Variants in HECTD2 observed in about 807,000 individuals in gnomAD.
The protein encoded by HECTD2 is probable E3 ubiquitin-protein ligase HECTD2.
Under a neutral mutation model 103.2 loss-of-function variants are expected in HECTD2, and 35 were observed. The observed-to-expected ratio is 0.34, with a 90% confidence interval of 0.26 to 0.45. HECTD2 has a LOEUF of 0.45. HECTD2 is among the 20% of genes least tolerant of loss of function. The pLI is 1.00. For missense variants in HECTD2, 596 were observed against 937.4 expected, an observed-to-expected ratio of 0.64 and a Z score of 4.76; for synonymous variants, 281 against 329.9, an observed-to-expected ratio of 0.85 and a Z score of 1.61.
intron 20 of HECTD2, 138 bp downstream of exon 20, chr10:91,501,472 G>GA (rs1172969654): frequency 1.9e-6 from 1 of 517,102 alleles, no homozygotes; most frequent in Non-Finnish European, 3.3e-6. Flanking sequence ...ACATGGCCTT[G>GA]AAATGTAAGA....
At chr10:91,509,215 G>A (rs866500722) in intron 20 of HECTD2, among the ~76,000 whole-genome samples, 25 of 151,608 alleles carry the variant, frequency 1.6e-4, no homozygotes, top group African/African-American at 5.6e-4. Context: ...CATGGCACAT[G>A]TATACGTATG....
chr10:91,444,821 CA>C (rs1844527725), intron 2 of HECTD2, among the ~76,000 whole-genome samples: 1 of 152,138 alleles, frequency 6.6e-6, no homozygotes, highest in Non-Finnish European at 1.5e-5. Flanking sequence ...TATCATAATA[CA>C]GTGAAAAAAG....
intron 5 of HECTD2, among the ~76,000 whole-genome samples, chr10:91,473,585 C>T (rs1446274147): frequency 6.6e-6 from 1 of 152,058 alleles, no homozygotes; most frequent in African/African-American, 2.4e-5. Flanking sequence ...GATTTTATTC[C>T]GCCTCTGCCA....
chr10:91,430,205 A>G (rs1418476514), intron 2 of HECTD2, among the ~76,000 whole-genome samples: 1 of 152,144 alleles, frequency 6.6e-6, no homozygotes, highest in Non-Finnish European at 1.5e-5. Context: ...GAGTTTCTTA[A>G]TCCTGAGTTC....
intron 20 of HECTD2, among the ~76,000 whole-genome samples, chr10:91,507,901 A>G (rs1847257620): frequency 7.4e-6 from 1 of 135,938 alleles, no homozygotes; most frequent in Non-Finnish European, 1.5e-5. Context: ...CCAAAACAGC[A>G]TGGTACTGGT....
intron 20 of HECTD2, 82 bp from the exon 21 acceptor site, chr10:91,512,182 T>A: frequency 7.1e-7 from 1 of 1,403,652 alleles, no homozygotes; most frequent in East Asian, 2.3e-5. Context: ...AATGTGTGTG[T>A]CCTGGTATTT....
chr10:91,410,261 G>C (rs1316257678), upstream of HECTD2: 1 of 159,104 alleles, frequency 6.3e-6, no homozygotes, highest in African/African-American at 2.4e-5. Context: ...CGCGCGCGGG[G>C]GCGGCCTCGG....
At chr10:91,420,280 C>CAAAAAAAAA (rs58296918) in intron 1 of HECTD2, among the ~76,000 whole-genome samples, 1 of 109,922 alleles carries the variant, frequency 9.1e-6, no homozygotes, top group Admixed American at 1.0e-4. Flanking sequence ...TTTATGATTA[C>CAAAAAAAAA]AAAAAAAAAA....
At chr10:91,506,698 A>G (rs11498669) in intron 20 of HECTD2, among the ~76,000 whole-genome samples, 23,914 of 150,780 alleles carry the variant, frequency 0.16, 4,326 homozygotes, top group African/African-American at 0.45. Context: ...CAGAGGTACA[A>G]GGAGGAACTG....
At chr10:91,477,791 G>A (rs953663254) in intron 5 of HECTD2, among the ~76,000 whole-genome samples, 2 of 151,808 alleles carry the variant, frequency 1.3e-5, no homozygotes, top group Admixed American at 1.3e-4. Context: ...ATTTATTCTT[G>A]GGATGTTTGA....
chr10:91,451,522 TA>T (rs1002798930), intron 2 of HECTD2, among the ~76,000 whole-genome samples: 38 of 146,670 alleles, frequency 2.6e-4, no homozygotes, highest in Middle Eastern at 3.5e-3. Flanking sequence ...AGTATAATAA[TA>T]AAAAAAAAAG....
At chr10:91,426,092 A>T (rs1843547702) in intron 2 of HECTD2, among the ~76,000 whole-genome samples, 2 of 152,038 alleles carry the variant, frequency 1.3e-5, no homozygotes, top group East Asian at 3.9e-4. Context: ...TTACATCATT[A>T]TAGGTAGAAT....
intron 1 of HECTD2, 99 bp downstream of exon 1, chr10:91,410,675 G>T (rs1303562231): frequency 1.8e-6 from 2 of 1,085,130 alleles, no homozygotes; most frequent in African/African-American, 3.3e-5. Context: ...TTTACCCTGG[G>T]CACGCCCTGG....
In HECTD2 at chr10:91,494,959, TG is replaced by T. The variant is rs147487868; in HGVS notation, c.1522-1254del. Among the ~76,000 whole-genome samples the T allele has an allele frequency of 6.8e-4, 104 of 152,138 alleles. 1 individual carries two copies. The highest frequency in any genetic ancestry group is 1.4e-3 in the Admixed American group (21 of 15,284). ...TACATAAAATCATGAAATTGCTCAT[TG>T]TTTTTTTTGCAATAGATATTAGTTT... On this transcript the variant is annotated intron_variant, in intron 14 of 20. Transcript: ENST00000298068.
rs1210176226 is a variant in HECTD2, at chr10:91,493,417, T to A, written c.1433-3T>A. The A allele has an allele frequency of 2.7e-6, 4 of 1,478,132 alleles. No homozygotes were observed. Among genetic ancestry groups the A allele is most frequent in the East Asian group, 2.5e-5 (1 of 39,564 alleles). 91.6% of individuals were successfully genotyped at this position (1,478,132 alleles called of 1,614,324 possible). On this transcript the variant is annotated splice_polypyrimidine_tract_variant and splice_region_variant and intron_variant, in intron 13 of 20. Coordinates refer to ENST00000298068, the MANE Select transcript of HECTD2 (RefSeq NM_182765.6). The stretch of plus-strand genomic sequence containing the variant: ...TAATAACATTATTCGTGTGTTTTTT[T>A]AGGCATGTTTACATATCACAAGGAT...
chr10:91,484,480 T>C (rs1846197795), intron 8 of HECTD2, 27 bp from the exon 9 acceptor site: 1 of 1,591,416 alleles, frequency 6.3e-7, no homozygotes, highest in Non-Finnish European at 8.5e-7. Flanking sequence ...TGAATTTTGA[T>C]TGCAATTATT....
At chr10:91,507,594 A>G (rs1458077555) in intron 20 of HECTD2, among the ~76,000 whole-genome samples, 2 of 151,422 alleles carry the variant, frequency 1.3e-5, no homozygotes, top group African/African-American at 4.8e-5. Context: ...AAGGAGAACT[A>G]CAAACCGCTG....
At chr10:91,489,066 C>T (rs969103409) in intron 11 of HECTD2, 2 of 152,034 alleles carry the variant, frequency 1.3e-5, no homozygotes, top group Non-Finnish European at 2.9e-5. Flanking sequence ...TGCTTTTGTA[C>T]GTAACAGAAT....
chr10:91,411,527 T>C (rs146468869), intron 1 of HECTD2, among the ~76,000 whole-genome samples: 11 of 152,370 alleles, frequency 7.2e-5, no homozygotes, highest in African/African-American at 2.4e-4. Context: ...TTGCGGTTCA[T>C]TTCTTAAAAC....
Sources: allele counts gnomAD v4.1 joint callset (sites outside exome capture counted in the v4.1 genomes callset), GRCh38; gene constraint gnomAD v4.1.1; transcripts MANE v1.5; gene names NCBI Gene and HGNC (gene_info 2026-07-23, HGNC 2026-07-21).